MGAT4A: variants seen among roughly 807,000 people sequenced by gnomAD.
MGAT4A encodes alpha-1,3-mannosyl-glycoprotein 4-beta-N-acetylglucosaminyltransferase A.
In MGAT4A, 33 loss-of-function variants were observed where a neutral mutation model predicts 74.1. That is an observed-to-expected ratio of 0.45 (90% CI 0.34 to 0.60). MGAT4A has a LOEUF of 0.60. MGAT4A is among the 20% of genes least tolerant of loss of function. The probability of loss-of-function intolerance (pLI) is 0.02; values close to 1 mark genes in which losing one functional copy is unlikely to be tolerated. For synonymous variants in MGAT4A, 198 were observed against 210.4 expected, an observed-to-expected ratio of 0.94 and a Z score of 0.51; for missense variants, 479 against 628.3, an observed-to-expected ratio of 0.76 and a Z score of 2.54.
intron 4 of MGAT4A, among the ~76,000 whole-genome samples, chr2:98,673,343 G>C (rs1055293195): frequency 6.6e-6 from 1 of 151,958 alleles, no homozygotes; most frequent in Non-Finnish European, 1.5e-5. Flanking sequence ...TAAGTTCTGG[G>C]GTTCCATAAA....
In MGAT4A at chr2:98,656,410, A is replaced by G; in HGVS notation, c.640T>C (p.Tyr214His). The G allele has an allele frequency of 6.2e-7, 1 of 1,612,908 alleles. No homozygotes were observed. Among genetic ancestry groups the G allele is most frequent in the Non-Finnish European group, 8.5e-7 (1 of 1,179,380 alleles). ...LVEVISPPES[Y>H]YPDLTNLKET... ...TTTAGGTTTGTCAAGTCAGGATAAT[A>G]GCTTTCAGGGGGTGATATGACTTCC... The change falls in exon 7 of 16, where the codon TAT (tyrosine) becomes CAT (histidine). Residue 214 changes from tyrosine (Y) to histidine (H), a missense_variant. Tyr to His is a moderately conservative substitution (Grantham distance 83, BLOSUM62 2). Transcript: ENST00000393487.
intron 10 of MGAT4A, among the ~76,000 whole-genome samples, chr2:98,640,617 C>CAAACA (rs946166944): frequency 2.0e-5 from 3 of 152,154 alleles, no homozygotes; most frequent in African/African-American, 7.2e-5. Flanking sequence ...AACAAACAAA[C>CAAACA]AAACAAAACA....
At chr2:98,636,866 T>C (rs1040021730) in intron 12 of MGAT4A, among the ~76,000 whole-genome samples, 2 of 152,192 alleles carry the variant, frequency 1.3e-5, no homozygotes, top group Admixed American at 6.5e-5. Context: ...TACCTAGATA[T>C]TTTCAAAAAG....
At chr2:98,701,372 T>C (rs752416859) in intron 2 of MGAT4A, among the ~76,000 whole-genome samples, 9 of 152,164 alleles carry the variant, frequency 5.9e-5, no homozygotes, top group Admixed American at 3.9e-4. Flanking sequence ...AACTGGACAA[T>C]TACTCACATC....
intron 2 of MGAT4A, among the ~76,000 whole-genome samples, chr2:98,686,691 T>G (rs1702136136): frequency 6.6e-6 from 1 of 151,992 alleles, no homozygotes; most frequent in South Asian, 2.1e-4. Context: ...GGATTACAGG[T>G]GCACACTGCC....
chr2:98,689,070 G>C lies in MGAT4A; in HGVS notation c.95-10599C>G, dbSNP rs535924423. ...AATGGAAGAATGATAGAACCACCTG[G>C]AGGATGGTACATAGTGACATAAATC... is the stretch of plus-strand genomic sequence containing the variant. On this transcript the variant is annotated intron_variant, in intron 2 of 15. Coordinates refer to ENST00000393487, the MANE Select transcript of MGAT4A (RefSeq NM_012214.3). 2.6e-5 allele frequency among the ~76,000 whole-genome samples: 4 copies of C among 152,182 alleles called. No homozygotes were observed. In the South Asian group the frequency reaches 8.3e-4, roughly 32 times the overall value.
Position 98,623,897 on chromosome 2 carries a change from G to C in MGAT4A, c.*1669C>G, listed in dbSNP as rs1340145319. 2 of 985,374 alleles carry C rather than the reference G, an allele frequency of 2.0e-6. No homozygotes were observed. Among genetic ancestry groups the C allele is most frequent in the African/African-American group, 1.7e-5 (1 of 57,254 alleles). The allele number at this position is 985,374 out of a possible 1,614,324, so 61.0% of individuals were successfully genotyped here. ...TTGCCCCAGCGCTAGGCCCCAGCCA[G>C]TGGTCACTCTGAAAGCTCAGCAGAA... On this transcript the variant is annotated 3_prime_UTR_variant, in exon 16 of 16. Coordinates refer to ENST00000393487, the MANE Select transcript of MGAT4A (RefSeq NM_012214.3).
At chr2:98,649,613 G>T (rs1360204323) in intron 8 of MGAT4A, among the ~76,000 whole-genome samples, 1 of 152,070 alleles carries the variant, frequency 6.6e-6, no homozygotes, top group Non-Finnish European at 1.5e-5. Flanking sequence ...CAGAAACTAG[G>T]TGGAGCTCCA....
At position 98,708,401 on chromosome 2, in the gene MGAT4A, T is replaced by TTATAATGAA. The variant is rs1362321696; in HGVS notation, c.94+17837_94+17838insTTCATTATA. On this transcript the variant is annotated intron_variant, in intron 2 of 15. Transcript: ENST00000393487. ...TTTTAATGAAAAGCCATGAGATTTA[T>TTATAATGAA]AAGTACCCTCCTCTGCATCAAAACA... is the stretch of plus-strand genomic sequence containing the variant. Among the ~76,000 whole-genome samples, 10 of 152,332 alleles carry TTATAATGAA rather than the reference T, an allele frequency of 6.6e-5. 2 individuals carry two copies. The highest frequency in any genetic ancestry group is 2.4e-4 in the African/African-American group (10 of 41,572).
At position 98,695,443 on chromosome 2, in the gene MGAT4A, T is replaced by C. The variant is rs147582793; in HGVS notation, c.95-16972A>G. On this transcript the variant is annotated intron_variant, in intron 2 of 15. Coordinates refer to ENST00000393487, the MANE Select transcript of MGAT4A (RefSeq NM_012214.3). ...AGACAACCTAATAACACTGTGGACATCACACAGTGCAGGAAAAGAACGCAA... is the reference window on the plus strand; with the variant it reads ...AGACAACCTAATAACACTGTGGACACCACACAGTGCAGGAAAAGAACGCAA... 5.5e-4 allele frequency: 120 copies of C among 216,950 alleles called. 1 individual carries two copies. The highest frequency in any genetic ancestry group is 1.1e-3 in the Non-Finnish European group (105 of 96,312). 13.4% of individuals were successfully genotyped at this position (216,950 alleles called of 1,614,324 possible). A position where few individuals can be genotyped will look rare whatever the true frequency, so the allele number is the denominator to read the frequency against.
chr2:98,680,188 C>T (rs938232693), intron 2 of MGAT4A, among the ~76,000 whole-genome samples: 27 of 151,852 alleles, frequency 1.8e-4, no homozygotes, highest in Admixed American at 5.2e-4. Flanking sequence ...GGATTACAGG[C>T]GCGCGCCACC....
intron 2 of MGAT4A, among the ~76,000 whole-genome samples, chr2:98,705,849 G>A (rs1246460238): frequency 4.6e-5 from 7 of 151,784 alleles, no homozygotes; most frequent in Admixed American, 3.9e-4. Flanking sequence ...GGCTGAGGCA[G>A]GAGAATGGCG....
chr2:98,672,476 T>C (rs1332860162), intron 4 of MGAT4A, among the ~76,000 whole-genome samples: 2 of 152,192 alleles, frequency 1.3e-5, no homozygotes, highest in African/African-American at 4.8e-5. Context: ...GTTGTGCCGT[T>C]TTGGTAGATA....
At chr2:98,673,011 T>C (rs528814788) in intron 4 of MGAT4A, among the ~76,000 whole-genome samples, 33 of 152,314 alleles carry the variant, frequency 2.2e-4, no homozygotes, top group African/African-American at 7.5e-4. Context: ...CAACCCCTTG[T>C]TGCTGAAGTC....
rs1701106379 is a variant in MGAT4A, at chr2:98,624,184, T to C, written c.*1382A>G. ...CCTGCCACCACGCCTGGCTAATTTT[T>C]TGTATTTTTAGTAGAGACAGGGTTT... is the stretch of plus-strand genomic sequence containing the variant. On this transcript the variant is annotated 3_prime_UTR_variant, in exon 16 of 16. Coordinates refer to ENST00000393487, the MANE Select transcript of MGAT4A (RefSeq NM_012214.3). 4 of 510,784 alleles carry C rather than the reference T, an allele frequency of 7.8e-6. No homozygotes were observed. In the South Asian group the frequency reaches 2.5e-4, roughly 32 times the overall value. 31.6% of individuals were successfully genotyped at this position (510,784 alleles called of 1,614,324 possible). A position where few individuals can be genotyped will look rare whatever the true frequency, so the allele number is the denominator to read the frequency against.
In MGAT4A at chr2:98,726,222, C is replaced by G. The variant is rs1293534714; in HGVS notation, c.94+17G>C. 1.9e-6 allele frequency: 3 copies of G among 1,603,738 alleles called. No individual in the cohort carries two copies. The highest frequency in any genetic ancestry group is 2.2e-5 in the South Asian group (2 of 90,614). ...CCTAGTACATTTCATGCACATTTTC[C>G]GAGTCATTTTCCTTACCTTTCCCAT... On this transcript the variant is annotated intron_variant, in intron 2 of 15. Coordinates refer to ENST00000393487, the MANE Select transcript of MGAT4A (RefSeq NM_012214.3).
chr2:98,675,374 A>G (rs1311910097), intron 3 of MGAT4A, among the ~76,000 whole-genome samples, 199 bp from the exon 4 acceptor site: 1 of 152,202 alleles, frequency 6.6e-6, no homozygotes, highest in Non-Finnish European at 1.5e-5. Context: ...GATGTTGATA[A>G]AACTGGCTGA....
rs1244792740 is a variant in MGAT4A, at chr2:98,624,464, T to C, written c.*1102A>G. 2.1e-6 allele frequency: 2 copies of C among 970,482 alleles called. No homozygotes were observed. The highest frequency in any genetic ancestry group is 1.8e-5 in the African/African-American group (1 of 57,010). The allele number at this position is 970,482 out of a possible 1,614,324, so 60.1% of individuals were successfully genotyped here. On this transcript the variant is annotated 3_prime_UTR_variant, in exon 16 of 16. Coordinates refer to ENST00000393487, the MANE Select transcript of MGAT4A (RefSeq NM_012214.3). Reference sequence around the variant, plus strand: ...GACACGGGACTCACTTATCAGTTCATACTACAATAAAATCATTTTGGAAAA... The same window carrying C: ...GACACGGGACTCACTTATCAGTTCACACTACAATAAAATCATTTTGGAAAA...
intron 4 of MGAT4A, among the ~76,000 whole-genome samples, chr2:98,667,270 A>C (rs1701847996): frequency 6.6e-6 from 1 of 152,224 alleles, no homozygotes; most frequent in South Asian, 2.1e-4. Flanking sequence ...AGACTAATAC[A>C]GTAAATTGGT....
Sources: allele counts gnomAD v4.1 joint callset (sites outside exome capture counted in the v4.1 genomes callset), GRCh38; gene constraint gnomAD v4.1.1; transcripts MANE v1.5; gene names NCBI Gene and HGNC (gene_info 2026-07-23, HGNC 2026-07-21).